The following GPC5 variants were observed in gnomAD, a reference collection of about 807,000 sequenced individuals.
GPC5 encodes glypican-5.
GPC5 carries 47 observed loss-of-function variants against 53.9 expected under a neutral mutation model. The observed-to-expected ratio is 0.87, with a 90% CI of 0.69 to 1.11. The LOEUF is 1.11. Among genes scored for constraint, GPC5 ranks in the 50% most tolerant of loss-of-function variants. The pLI, the probability that GPC5 is intolerant of heterozygous loss-of-function variation, is 0.00. For missense variants in GPC5, 748 were observed against 713.1 expected, an observed-to-expected ratio of 1.05 and a Z score of -0.56; for synonymous variants, 286 against 263.3, an observed-to-expected ratio of 1.09 and a Z score of -0.84.
At chr13:92,106,358 A>C (rs182138286) in intron 6 of GPC5, among the ~76,000 whole-genome samples, 1 of 151,738 alleles carries the variant, frequency 6.6e-6, no homozygotes, top group Non-Finnish European at 1.5e-5. Context: ...TTTGAAAAAT[A>C]TAAGAATCTC....
At chr13:92,187,972 CAT>C (rs982799862) in intron 7 of GPC5, among the ~76,000 whole-genome samples, 1 of 152,112 alleles carries the variant, frequency 6.6e-6, no homozygotes, top group Admixed American at 6.5e-5. Flanking sequence ...TATTTTTTAA[CAT>C]AGAAATCCCA....
chr13:92,119,492 G>C (rs375812396), intron 6 of GPC5, among the ~76,000 whole-genome samples: 6 of 128,544 alleles, frequency 4.7e-5, no homozygotes, highest in African/African-American at 1.5e-4. Context: ...TCCGCCCCCC[G>C]GGGTTCACAC....
At chr13:91,408,868 C>T (rs979945954) in intron 1 of GPC5, among the ~76,000 whole-genome samples, 2 of 151,964 alleles carry the variant, frequency 1.3e-5, no homozygotes, top group Non-Finnish European at 2.9e-5. Flanking sequence ...TAGTCTTTTG[C>T]TTTTCCTTGT....
intron 2 of GPC5, among the ~76,000 whole-genome samples, chr13:91,660,090 A>G (rs772131173): frequency 2.0e-5 from 3 of 152,182 alleles, no homozygotes; most frequent in Non-Finnish European, 4.4e-5. Flanking sequence ...AGGGCATCAT[A>G]TGTGGTTGGT....
At chr13:92,601,117 T>C (rs887287712) in intron 7 of GPC5, among the ~76,000 whole-genome samples, 6 of 152,312 alleles carry the variant, frequency 3.9e-5, no homozygotes, top group Middle Eastern at 3.4e-3. Context: ...TAACTTCTGG[T>C]TTTTAATTTT....
chr13:92,014,567 G>A (rs1594724359), intron 6 of GPC5, among the ~76,000 whole-genome samples: 1 of 151,998 alleles, frequency 6.6e-6, no homozygotes, highest in East Asian at 1.9e-4. Flanking sequence ...AGATTTGAAG[G>A]GTTTTCTTTT....
chr13:91,697,006 G>A (rs187904101), intron 3 of GPC5, among the ~76,000 whole-genome samples: 1 of 152,228 alleles, frequency 6.6e-6, no homozygotes, highest in East Asian at 1.9e-4. Flanking sequence ...GTTAGATGGG[G>A]TGATGAAATA....
At chr13:92,782,658 A>G (rs940064623) in intron 7 of GPC5, among the ~76,000 whole-genome samples, 6 of 152,128 alleles carry the variant, frequency 3.9e-5, no homozygotes, top group African/African-American at 1.4e-4. Flanking sequence ...CTTTTCATGG[A>G]GATAATCAAT....
At chr13:92,507,803 T>A (rs1880426153) in intron 7 of GPC5, among the ~76,000 whole-genome samples, 1 of 152,070 alleles carries the variant, frequency 6.6e-6, no homozygotes. Flanking sequence ...AAGTGAAAAA[T>A]TTCAACAATC....
At chr13:91,614,890 A>G (rs1303934472) in intron 2 of GPC5, among the ~76,000 whole-genome samples, 2 of 152,196 alleles carry the variant, frequency 1.3e-5, no homozygotes, top group African/African-American at 2.4e-5. Context: ...CAAGGCAAAC[A>G]TGTTTAAGTT....
intron 6 of GPC5, among the ~76,000 whole-genome samples, chr13:92,025,523 G>A (rs567848492): frequency 3.3e-5 from 5 of 152,338 alleles, no homozygotes; most frequent in African/African-American, 1.2e-4. Flanking sequence ...CATGTCGGAA[G>A]TAGTCAGTGA....
At chr13:92,630,913 G>A (rs1323233021) in intron 7 of GPC5, among the ~76,000 whole-genome samples, 1 of 151,858 alleles carries the variant, frequency 6.6e-6, no homozygotes, top group East Asian at 1.9e-4. Flanking sequence ...AAATCTAGTT[G>A]GCAATATTAA....
At chr13:91,805,486 A>T (rs1432625994) in intron 5 of GPC5, among the ~76,000 whole-genome samples, 1 of 147,578 alleles carries the variant, frequency 6.8e-6, no homozygotes, top group Non-Finnish European at 1.5e-5. Context: ...CTTTGGTCAA[A>T]GGGACTTATT....
chr13:92,733,205 T>C (rs567023799), intron 7 of GPC5, among the ~76,000 whole-genome samples: 1 of 151,820 alleles, frequency 6.6e-6, no homozygotes, highest in South Asian at 2.1e-4. Flanking sequence ...TATATTATTT[T>C]TGAGCCGATA....
rs534399578 is a variant in GPC5, at chr13:92,774,030, C to A, written c.1562-92252C>A. On this transcript the variant is annotated intron_variant, in intron 7 of 7. Coordinates refer to ENST00000377067, the MANE Select transcript of GPC5 (RefSeq NM_004466.6). ...TGAGACTTATTCACTATCACAAGAA[C>A]AGCACAAGAGAAACCTGCCTGCATG... is the stretch of plus-strand genomic sequence containing the variant. Among the ~76,000 whole-genome samples the A allele has an allele frequency of 8.5e-5, 13 of 152,290 alleles. No individual in the cohort carries two copies. In the East Asian group the frequency reaches 2.1e-3, roughly 25 times the overall value.
chr13:91,763,153 A>G (rs758557066), intron 5 of GPC5, among the ~76,000 whole-genome samples: 2 of 152,134 alleles, frequency 1.3e-5, no homozygotes, highest in African/African-American at 2.4e-5. Context: ...CTTGGTGATA[A>G]CGCTCTGATG....
chr13:92,112,780 G>C (rs2041568706), intron 6 of GPC5, among the ~76,000 whole-genome samples: 1 of 152,024 alleles, frequency 6.6e-6, no homozygotes, highest in African/African-American at 2.4e-5. Context: ...AAAAATCTGA[G>C]CATAGTATAG....
chr13:92,293,344 G>A (rs1414639508), intron 7 of GPC5, among the ~76,000 whole-genome samples: 1 of 150,376 alleles, frequency 6.6e-6, no homozygotes, highest in Non-Finnish European at 1.5e-5. Flanking sequence ...ATTTCTTTCA[G>A]CAGTGTTTTG....
intron 6 of GPC5, among the ~76,000 whole-genome samples, chr13:92,049,504 G>A (rs1594743470): frequency 6.6e-6 from 1 of 152,164 alleles, no homozygotes; most frequent in East Asian, 1.9e-4. Context: ...AATTATAGAT[G>A]TTTATGTACC....
Sources: gnomAD v4.1 joint callset for allele counts (sites outside exome capture counted in the v4.1 genomes callset) on GRCh38, gnomAD v4.1.1 for gene constraint, MANE v1.5 for transcripts, NCBI Gene and HGNC (gene_info 2026-07-23, HGNC 2026-07-21) for gene names.